The following SYNDIG1 variants were observed in gnomAD, a reference collection of about 807,000 sequenced individuals.
SYNDIG1 encodes synapse differentiation-inducing gene protein 1.
A neutral mutation model predicts 19.4 loss-of-function variants in SYNDIG1; 9 were observed. The ratio of observed to expected loss-of-function variants is 0.46; its 90% confidence interval spans 0.28 to 0.81. SYNDIG1 has a LOEUF of 0.81. SYNDIG1 is among the 30% of genes least tolerant of loss of function. The probability of loss-of-function intolerance (pLI) is 0.12; values close to 1 mark genes in which losing one functional copy is unlikely to be tolerated. For missense variants in SYNDIG1, 311 were observed against 343.3 expected, an observed-to-expected ratio of 0.91 and a Z score of 0.74; for synonymous variants, 141 against 145.9, an observed-to-expected ratio of 0.97 and a Z score of 0.24.
chr20:24,478,774 A>G (rs2055707255), intron 1 of SYNDIG1, among the ~76,000 whole-genome samples: 2 of 152,242 alleles, frequency 1.3e-5, no homozygotes, highest in South Asian at 2.1e-4. Flanking sequence ...TTCCTAGGCC[A>G]GGCCAGGAGT....
chr20:24,644,464 T>C (rs1406542537), intron 3 of SYNDIG1, among the ~76,000 whole-genome samples: 1 of 152,216 alleles, frequency 6.6e-6, no homozygotes, highest in East Asian at 1.9e-4. Context: ...CCTTGCTTGT[T>C]ACAGTGGAGT....
intron 2 of SYNDIG1, among the ~76,000 whole-genome samples, chr20:24,546,091 G>A (rs1204070376): frequency 1.3e-5 from 2 of 152,172 alleles, no homozygotes; most frequent in Non-Finnish European, 2.9e-5. Flanking sequence ...GGATGCCAAG[G>A]AGGATTTCAG....
At chr20:24,614,836 A>G (rs2058904950) in intron 3 of SYNDIG1, among the ~76,000 whole-genome samples, 1 of 152,214 alleles carries the variant, frequency 6.6e-6, no homozygotes, top group Non-Finnish European at 1.5e-5. Context: ...TATATGCATA[A>G]ATTAATGTAA....
At chr20:24,631,327 T>C (rs948796848) in intron 3 of SYNDIG1, among the ~76,000 whole-genome samples, 1 of 152,158 alleles carries the variant, frequency 6.6e-6, no homozygotes, top group African/African-American at 2.4e-5. Context: ...GGCATTGCCA[T>C]GCGTCAGGGT....
chr20:24,472,401 A>G (rs1402026612), intron 1 of SYNDIG1, among the ~76,000 whole-genome samples: 2 of 152,274 alleles, frequency 1.3e-5, no homozygotes, highest in Non-Finnish European at 2.9e-5. Flanking sequence ...AATTTCTTCC[A>G]CATTTAGCAT....
intron 3 of SYNDIG1, among the ~76,000 whole-genome samples, chr20:24,661,390 A>G (rs970324411): frequency 6.8e-3 from 118 of 17,310 alleles, no homozygotes; most frequent in Middle Eastern, 0.042. Flanking sequence ...GAGGGAGGAA[A>G]GAGGGAGGAG....
chr20:24,510,262 T>C (rs1211955959), intron 1 of SYNDIG1, among the ~76,000 whole-genome samples: 1 of 152,114 alleles, frequency 6.6e-6, no homozygotes, highest in Non-Finnish European at 1.5e-5. Flanking sequence ...TTTTTTCCTA[T>C]AGGAATTTGA....
chr20:24,479,676 C>G (rs981935083), intron 1 of SYNDIG1, among the ~76,000 whole-genome samples: 1 of 152,228 alleles, frequency 6.6e-6, no homozygotes, highest in African/African-American at 2.4e-5. Flanking sequence ...TATGCACACT[C>G]ATCTCTTGCC....
chr20:24,588,905 A>G (rs377193279), intron 3 of SYNDIG1, among the ~76,000 whole-genome samples: 2 of 123,390 alleles, frequency 1.6e-5, no homozygotes, highest in African/African-American at 6.1e-5. Context: ...CAGGATGTGC[A>G]GGTTCGGAAG....
chr20:24,522,124 G>C (rs1233966190), intron 1 of SYNDIG1, among the ~76,000 whole-genome samples: 1 of 152,034 alleles, frequency 6.6e-6, no homozygotes, highest in Non-Finnish European at 1.5e-5. Flanking sequence ...TTCTAGGCTA[G>C]AGTGCAGTGG....
chr20:24,608,930 G>C (rs1568681985), intron 3 of SYNDIG1, among the ~76,000 whole-genome samples: 1 of 152,194 alleles, frequency 6.6e-6, no homozygotes. Context: ...AATTTTGTGT[G>C]TCTGGACTCA....
intron 3 of SYNDIG1, among the ~76,000 whole-genome samples, chr20:24,660,688 C>A (rs1229022512): frequency 6.6e-6 from 1 of 152,244 alleles, no homozygotes; most frequent in African/African-American, 2.4e-5. Flanking sequence ...TTGGCAGGTT[C>A]TTCTCAGGCC....
rs147861702 is a variant in SYNDIG1 at position 24,513,500 on chromosome 20, C to T, written c.-78-29520C>T. On this transcript the variant is annotated intron_variant, in intron 1 of 3. Transcript: ENST00000376862. ...AATGCACAAGCTTCAGTAGCCGATT[C>T]GATCAACTGGAAGGAAGGGTATCAG... 1.7e-4 allele frequency among the ~76,000 whole-genome samples: 26 copies of T among 152,092 alleles called. No homozygotes were observed. In the South Asian group the frequency reaches 5.4e-3, roughly 32 times the overall value.
chr20:24,572,761 G>A (rs146282407), intron 2 of SYNDIG1, among the ~76,000 whole-genome samples: 27 of 152,308 alleles, frequency 1.8e-4, no homozygotes, highest in African/African-American at 6.5e-4. Flanking sequence ...GTTGTATACT[G>A]TATCTTTCCA....
intron 1 of SYNDIG1, among the ~76,000 whole-genome samples, chr20:24,498,963 T>C (rs1045764691): frequency 6.6e-6 from 1 of 152,188 alleles, no homozygotes; most frequent in Non-Finnish European, 1.5e-5. Flanking sequence ...GAAACTGTTT[T>C]CCCCAGTGGC....
chr20:24,604,730 G>A (rs958351870), intron 3 of SYNDIG1, among the ~76,000 whole-genome samples: 13 of 152,102 alleles, frequency 8.5e-5, no homozygotes, highest in Non-Finnish European at 1.8e-4. Context: ...TGGAGTAGCC[G>A]TTCTTTTATT....
intron 1 of SYNDIG1, among the ~76,000 whole-genome samples, chr20:24,494,127 T>C (rs543293261): frequency 7.3e-5 from 11 of 149,904 alleles, no homozygotes; most frequent in African/African-American, 2.7e-4. Context: ...ACCAGCAAAG[T>C]ACAGGGGCAG....
At chr20:24,542,946 C>A in intron 1 of SYNDIG1, 74 bp from the exon 2 acceptor site, 1 of 1,188,834 alleles carries the variant, frequency 8.4e-7, no homozygotes, top group Non-Finnish European at 1.2e-6. Context: ...CAGTCTGAAA[C>A]AATGTGGGTC....
chr20:24,477,516 G>A (rs1167446265), intron 1 of SYNDIG1, among the ~76,000 whole-genome samples: 1 of 152,104 alleles, frequency 6.6e-6, no homozygotes, highest in Non-Finnish European at 1.5e-5. Context: ...TGGGACTGTA[G>A]CACCCAGACT....
Sources: gnomAD v4.1 joint callset for allele counts (sites outside exome capture counted in the v4.1 genomes callset) on GRCh38, gnomAD v4.1.1 for gene constraint, MANE v1.5 for transcripts, NCBI Gene and HGNC (gene_info 2026-07-23, HGNC 2026-07-21) for gene names.